UBE3A: variants seen among roughly 807,000 people sequenced by gnomAD.
UBE3A encodes ubiquitin-protein ligase E3A.
A neutral mutation model predicts 83.4 loss-of-function variants in UBE3A; 6 were observed. That is an observed-to-expected ratio of 0.07 (90% CI 0.04 to 0.14). The LOEUF is 0.14. Among genes scored for constraint, UBE3A ranks in the 10% least tolerant of loss-of-function variants. The pLI, the probability that UBE3A is intolerant of heterozygous loss-of-function variation, is 1.00. For synonymous variants in UBE3A, 337 were observed against 355.4 expected (o/e 0.95, Z 0.58); for missense variants, 456 against 1,036.1 (o/e 0.44, Z 7.69).
At chr15:25,361,188 C>T (rs1234129633) in intron 6 of UBE3A, among the ~76,000 whole-genome samples, 3 of 149,854 alleles carry the variant, frequency 2.0e-5, no homozygotes, top group African/African-American at 4.9e-5. Context: ...TGCAGTGGCG[C>T]GATCTCAGCT....
At position 25,371,869 on chromosome 15, in the gene UBE3A, T is replaced by C; in HGVS notation, c.362-57A>G. ...ATTTTCATAATATGTATGTTTACTCTGTTGCAAAAAGTTCTAAAAGTAAAA... is the reference window on the plus strand; with the variant it reads ...ATTTTCATAATATGTATGTTTACTCCGTTGCAAAAAGTTCTAAAAGTAAAA... On this transcript the variant is annotated intron_variant, in intron 5 of 12. Coordinates refer to ENST00000648336, the MANE Select transcript of UBE3A (RefSeq NM_130839.5). The surrounding 1 kb of genome is among the most constrained non-coding windows in gnomAD (Gnocchi z 5.3). 3 of 1,535,278 alleles carry C rather than the reference T, an allele frequency of 2.0e-6. No homozygotes were observed. Among genetic ancestry groups the C allele is most frequent in the Non-Finnish European group, 2.6e-6 (3 of 1,143,702 alleles).
intron 11 of UBE3A, chr15:25,353,977 GAT>G (rs1246571845): frequency 3.8e-6 from 1 of 261,216 alleles, no homozygotes; most frequent in Non-Finnish European, 7.4e-6. Flanking sequence ...AAAAGTGCTT[GAT>G]CCTGGGAAGC....
chr15:25,360,349 T>C (rs759311003), intron 7 of UBE3A, 34 bp downstream of exon 7: 2 of 1,612,502 alleles, frequency 1.2e-6, no homozygotes, highest in Non-Finnish European at 1.7e-6. Context: ...CAAAAGATGA[T>C]ACGACACCAT....
intron 1 of UBE3A, among the ~76,000 whole-genome samples, chr15:25,428,477 G>A (rs1189151738): frequency 6.6e-6 from 1 of 152,074 alleles, no homozygotes; most frequent in African/African-American, 2.4e-5. Context: ...CAATGGGCAG[G>A]ATTTTATATT....
At chr15:25,381,945 A>G (rs1046197112) in intron 4 of UBE3A, among the ~76,000 whole-genome samples, 1 of 152,242 alleles carries the variant, frequency 6.6e-6, no homozygotes, top group African/African-American at 2.4e-5. Flanking sequence ...AATATAGAAC[A>G]AGACGATTTT....
intron 1 of UBE3A, among the ~76,000 whole-genome samples, chr15:25,435,815 C>A (rs979336372): frequency 1.3e-5 from 2 of 151,958 alleles, no homozygotes; most frequent in Admixed American, 6.6e-5. Flanking sequence ...GAATTCCTGG[C>A]CTTAAAAAGT....
rs1470485568 is a variant in UBE3A, at chr15:25,336,007, T to C, written c.*3130A>G. The C allele has an allele frequency of 1.3e-5, 2 of 152,160 alleles. No homozygotes were observed. Among genetic ancestry groups the C allele is most frequent in the Non-Finnish European group, 2.9e-5 (2 of 68,038 alleles). 9.4% of individuals were successfully genotyped at this position (152,160 alleles called of 1,614,324 possible). On this transcript the variant is annotated 3_prime_UTR_variant, in exon 13 of 13. Transcript: ENST00000648336. ...TTTCGGTGAAACTACCATGCATTAG[T>C]AGCCTTTCACAGTGATATCTACCCC...
intron 1 of UBE3A, among the ~76,000 whole-genome samples, chr15:25,430,606 A>C (rs1333489781): frequency 6.6e-6 from 1 of 151,956 alleles, no homozygotes; most frequent in Non-Finnish European, 1.5e-5. Flanking sequence ...AAATTACTTT[A>C]AGTGTTGAGG....
At position 25,337,278 on chromosome 15, in the gene UBE3A, T is replaced by G. The variant is rs1253806052; in HGVS notation, c.*1859A>C. The G allele has an allele frequency of 2.0e-5, 3 of 152,136 alleles. No homozygotes were observed. Among genetic ancestry groups the G allele is most frequent in the Non-Finnish European group, 4.4e-5 (3 of 68,012 alleles). The allele number at this position is 152,136 out of a possible 1,614,324, so 9.4% of individuals were successfully genotyped here. On this transcript the variant is annotated 3_prime_UTR_variant, in exon 13 of 13. Coordinates refer to ENST00000648336, the MANE Select transcript of UBE3A (RefSeq NM_130839.5). Reference sequence around the variant, plus strand: ...CACGAATTTATTATATAAAACGCCCTCAGAGTATTTAATTTCTCCTCACTT... The same window carrying G: ...CACGAATTTATTATATAAAACGCCCGCAGAGTATTTAATTTCTCCTCACTT...
At chr15:25,430,043 A>ATATATATATATATATT (rs1555433135) in intron 1 of UBE3A, among the ~76,000 whole-genome samples, 1 of 112,814 alleles carries the variant, frequency 8.9e-6, no homozygotes, top group Admixed American at 1.1e-4. Flanking sequence ...ATATATATAT[A>ATATATATATATATATT]TATATATTTA....
At chr15:25,404,302 T>G (rs1157027371) in intron 4 of UBE3A, among the ~76,000 whole-genome samples, 2 of 152,186 alleles carry the variant, frequency 1.3e-5, no homozygotes, top group Admixed American at 1.3e-4. Flanking sequence ...CATCTTTACT[T>G]CCTTGTTCTA....
chr15:25,392,478 AAAT>A (rs957375994), intron 4 of UBE3A, among the ~76,000 whole-genome samples: 1 of 152,312 alleles, frequency 6.6e-6, no homozygotes, highest in Middle Eastern at 3.4e-3. Flanking sequence ...AGCAATAACT[AAAT>A]GACTTCCAAA....
At chr15:25,344,433 T>C in intron 11 of UBE3A, among the ~76,000 whole-genome samples, 1 of 152,116 alleles carries the variant, frequency 6.6e-6, no homozygotes, top group East Asian at 1.9e-4. Flanking sequence ...TAAATGCCAT[T>C]CTCCAACAAT....
In UBE3A at chr15:25,375,604, C is replaced by T. The variant is rs759225128; in HGVS notation, c.222G>A (p.Lys74=). Reference sequence around the variant, plus strand: ...GAGGATCACAGAGTTTTGCATTAATCTTATAAAGCTCGAGGGCTTTAATAG... The same window carrying T: ...GAGGATCACAGAGTTTTGCATTAATTTTATAAAGCTCGAGGGCTTTAATAG... ...AAAIKALELY[K]INAKLCDPHP... is the part of the protein sequence containing the mutation. Residue 74 remains lysine (K), a synonymous_variant, in exon 5 of 13, where the codon AAG becomes AAA. Coordinates refer to ENST00000648336, the MANE Select transcript of UBE3A (RefSeq NM_130839.5). 3.1e-6 allele frequency: 5 copies of T among 1,614,122 alleles called. No homozygotes were observed. The highest frequency in any genetic ancestry group is 4.5e-5 in the East Asian group (2 of 44,868).
chr15:25,396,061 G>A (rs1291330525), intron 4 of UBE3A, among the ~76,000 whole-genome samples: 1 of 151,798 alleles, frequency 6.6e-6, no homozygotes, highest in African/African-American at 2.4e-5. Flanking sequence ...AATTAGCCAG[G>A]CATGGTGGCA....
intron 4 of UBE3A, among the ~76,000 whole-genome samples, chr15:25,390,483 C>T (rs902494921): frequency 6.6e-6 from 1 of 152,010 alleles, no homozygotes; most frequent in Non-Finnish European, 1.5e-5. Flanking sequence ...TATGAAAAGA[C>T]ATGGAAGAAA....
chr15:25,392,620 A>T (rs1469694325), intron 4 of UBE3A, among the ~76,000 whole-genome samples: 1 of 152,190 alleles, frequency 6.6e-6, no homozygotes, highest in Admixed American at 6.5e-5. Context: ...AATAGCAATA[A>T]AAAGAGAGGC....
chr15:25,340,317 T>TAA, intron 11 of UBE3A, 89 bp from the exon 12 acceptor site: 1 of 1,454,826 alleles, frequency 6.9e-7, no homozygotes, highest in Non-Finnish European at 9.5e-7. Flanking sequence ...TAAAACTATA[T>TAA]TAAGAGACAA....
Position 25,411,352 on chromosome 15 carries a change from G to A in UBE3A, c.-101+556C>T, listed in dbSNP as rs527899201. Among the ~76,000 whole-genome samples, 27 of 152,370 alleles carry A rather than the reference G, an allele frequency of 1.8e-4. No individual in the cohort carries two copies. In the South Asian group the frequency reaches 5.4e-3, roughly 30 times the overall value. The stretch of plus-strand genomic sequence containing the variant: ...CGCCTGTAATCCCAGCACTTTGGGA[G>A]GCCAAGGCGGGTGGATCACTTGAGG... On this transcript the variant is annotated intron_variant, in intron 2 of 12. Coordinates refer to ENST00000648336, the MANE Select transcript of UBE3A (RefSeq NM_130839.5).
Sources: gnomAD v4.1 joint callset for allele counts (sites outside exome capture counted in the v4.1 genomes callset) on GRCh38, gnomAD v4.1.1 for gene constraint, Gnocchi (gnomAD v3.1) non-coding constraint, MANE v1.5 for transcripts, NCBI Gene and HGNC (gene_info 2026-07-23, HGNC 2026-07-21) for gene names.